Variants in ELP4 observed in about 807,000 individuals in gnomAD.
ELP4 encodes the protein elongator acetyltransferase complex subunit 4, also known as elongator complex protein 4.
ELP4 carries 51 observed loss-of-function variants against 48.9 expected under a neutral mutation model. That is an observed-to-expected ratio of 1.04 (90% CI 0.83 to 1.32). ELP4 has a LOEUF of 1.32. Among genes scored for constraint, ELP4 ranks in the 40% most tolerant of loss-of-function variants. ELP4 has a pLI of 0.00. For missense variants in ELP4, 519 were observed against 514.6 expected (o/e 1.01, Z -0.08); for synonymous variants, 210 against 189.2 (o/e 1.11, Z -0.90).
chr11:31,579,581 T>C (rs1201139983), intron 3 of ELP4, among the ~76,000 whole-genome samples: 1 of 152,116 alleles, frequency 6.6e-6, no homozygotes, highest in Admixed American at 6.6e-5. Context: ...GAGGCACATA[T>C]ACACTATGGA....
intron 9 of ELP4, among the ~76,000 whole-genome samples, chr11:31,757,768 A>C (rs1194406513): frequency 6.6e-6 from 1 of 152,182 alleles, no homozygotes; most frequent in East Asian, 1.9e-4. Context: ...CAGATGTAAC[A>C]GTTTGCTCAA....
At chr11:31,614,888 G>C (rs1354279661) in intron 5 of ELP4, among the ~76,000 whole-genome samples, 1 of 152,128 alleles carries the variant, frequency 6.6e-6, no homozygotes, top group Non-Finnish European at 1.5e-5. Flanking sequence ...GGAGACTGAA[G>C]AGAACAAATG....
At chr11:31,624,992 C>A (rs1944707799) in intron 5 of ELP4, among the ~76,000 whole-genome samples, 1 of 151,352 alleles carries the variant, frequency 6.6e-6, no homozygotes, top group Non-Finnish European at 1.5e-5. Flanking sequence ...TCCTGAAGGA[C>A]CTGGTCACCT....
In ELP4 at chr11:31,719,704, T is replaced by A. The variant is rs564054792; in HGVS notation, c.1144-63689T>A. 1.9e-3 allele frequency: 706 copies of A among 372,050 alleles called. 6 individuals are homozygous for A. Among genetic ancestry groups the A allele is most frequent in the African/African-American group, 0.013 (644 of 48,186 alleles). 23.0% of individuals were successfully genotyped at this position (372,050 alleles called of 1,614,324 possible). The stretch of plus-strand genomic sequence containing the variant: ...ATTATATCTCATTAAACCTATTTTT[T>A]AAAAACAACCATAAACAAATACTGA... On this transcript the variant is annotated intron_variant, in intron 9 of 9. Coordinates refer to ENST00000640961, the MANE Select transcript of ELP4 (RefSeq NM_019040.5).
intron 3 of ELP4, among the ~76,000 whole-genome samples, chr11:31,578,436 C>A (rs1382112840): frequency 6.6e-6 from 1 of 152,160 alleles, no homozygotes; most frequent in Non-Finnish European, 1.5e-5. Flanking sequence ...GGAGAAAAAA[C>A]TGCTTTAAAG....
chr11:31,718,148 T>C (rs1946881137), intron 9 of ELP4, among the ~76,000 whole-genome samples: 1 of 152,150 alleles, frequency 6.6e-6, no homozygotes, highest in South Asian at 2.1e-4. Context: ...TATTTCTGAA[T>C]ATAGGCAAAT....
Position 31,785,592 on chromosome 11 carries a change from T to C in ELP4, c.*2068T>C, listed in dbSNP as rs1428442862. The C allele has an allele frequency of 5.1e-6, 1 of 197,122 alleles. No homozygotes were observed. Among genetic ancestry groups the C allele is most frequent in the African/African-American group, 2.3e-5 (1 of 43,390 alleles). The allele number at this position is 197,122 out of a possible 1,614,324, so 12.2% of individuals were successfully genotyped here. ...TTTTGAATAATAAGTGTACCTGGGCTTTCCAAAAATCATATCCAAGTGCTT... is the reference window on the plus strand; with the variant it reads ...TTTTGAATAATAAGTGTACCTGGGCCTTCCAAAAATCATATCCAAGTGCTT... On this transcript the variant is annotated 3_prime_UTR_variant, in exon 10 of 10. Transcript: ENST00000640961.
At chr11:31,609,405 G>GAT (rs1237623755) in intron 5 of ELP4, among the ~76,000 whole-genome samples, 3 of 152,180 alleles carry the variant, frequency 2.0e-5, no homozygotes, top group African/African-American at 7.2e-5. Flanking sequence ...CAGACTGAGA[G>GAT]ATAAAATGGG....
intron 9 of ELP4, among the ~76,000 whole-genome samples, chr11:31,683,145 T>C (rs1946089941): frequency 6.6e-6 from 1 of 152,154 alleles, no homozygotes; most frequent in Non-Finnish European, 1.5e-5. Flanking sequence ...TCCTGTTTTA[T>C]TAACATTAGC....
intron 9 of ELP4, among the ~76,000 whole-genome samples, chr11:31,685,673 C>T (rs1592222272): frequency 6.6e-6 from 1 of 152,142 alleles, no homozygotes; most frequent in East Asian, 1.9e-4. Flanking sequence ...TGGCTCATGC[C>T]TGTAATCCCA....
chr11:31,591,791 A>C (rs1416832139), intron 3 of ELP4, among the ~76,000 whole-genome samples: 2 of 152,196 alleles, frequency 1.3e-5, no homozygotes, highest in Non-Finnish European at 2.9e-5. Context: ...ATGTTCACAC[A>C]AAAGTTTGTG....
At chr11:31,517,266 C>T (rs1474101850) in intron 1 of ELP4, among the ~76,000 whole-genome samples, 1 of 151,960 alleles carries the variant, frequency 6.6e-6, no homozygotes, top group Admixed American at 6.6e-5. Context: ...TCACTGCAAC[C>T]TATGACTCCT....
At chr11:31,536,163 T>G (rs1303304067) in intron 2 of ELP4, among the ~76,000 whole-genome samples, 6 of 152,128 alleles carry the variant, frequency 3.9e-5, no homozygotes, top group African/African-American at 1.4e-4. Flanking sequence ...CAGCAAGTAG[T>G]TGATGGACAT....
At chr11:31,662,385 C>A (rs1945578657) in intron 9 of ELP4, 1 of 391,546 alleles carries the variant, frequency 2.6e-6, no homozygotes, top group African/African-American at 2.1e-5. Flanking sequence ...AGCAACTATG[C>A]CCCTGTTGCA....
chr11:31,682,082 A>C (rs903323659), intron 9 of ELP4: 7 of 1,279,300 alleles, frequency 5.5e-6, no homozygotes, highest in Non-Finnish European at 7.2e-6. Flanking sequence ...AAAGGTAAGT[A>C]GATACTGATG....
intron 3 of ELP4, among the ~76,000 whole-genome samples, chr11:31,562,957 G>C (rs1021745337): frequency 1.3e-5 from 2 of 152,042 alleles, no homozygotes; most frequent in African/African-American, 4.8e-5. Context: ...TTAGATATTT[G>C]TAGTACTTTT....
At chr11:31,652,471 G>T (rs1945340904) in intron 9 of ELP4, 1 of 151,546 alleles carries the variant, frequency 6.6e-6, no homozygotes, top group Admixed American at 6.6e-5. Flanking sequence ...ATATATTAAA[G>T]AAACTAGAAA....
intron 9 of ELP4, among the ~76,000 whole-genome samples, chr11:31,725,274 G>A (rs574419003): frequency 6.6e-6 from 1 of 152,280 alleles, no homozygotes; most frequent in East Asian, 1.9e-4. Context: ...GCCCACAGTG[G>A]TGTGCCTCAC....
intron 9 of ELP4, among the ~76,000 whole-genome samples, chr11:31,678,524 TGTGTGTG>T: frequency 7.3e-6 from 1 of 137,588 alleles, no homozygotes; most frequent in South Asian, 2.4e-4. Flanking sequence ...TGTGTGTGTG[TGTGTGTG>T]TGTGTGTGTG....
Sources: allele counts gnomAD v4.1 joint callset (sites outside exome capture counted in the v4.1 genomes callset), GRCh38; gene constraint gnomAD v4.1.1; transcripts MANE v1.5; gene names NCBI Gene and HGNC (gene_info 2026-07-23, HGNC 2026-07-21).